Variants in ELF1 observed in about 807,000 individuals in gnomAD.
The protein encoded by ELF1 is E74 like ETS transcription factor 1, also known as ETS-related transcription factor Elf-1.
ELF1 carries 24 observed loss-of-function variants against 59.9 expected under a neutral mutation model. The ratio of observed to expected loss-of-function variants is 0.40; its 90% confidence interval spans 0.29 to 0.56. The LOEUF (loss-of-function observed/expected upper bound fraction) is 0.56. ELF1 is among the 20% of genes least tolerant of loss of function. ELF1 has a pLI of 0.44. For missense variants in ELF1, 627 were observed against 742.2 expected (o/e 0.84, Z 1.80); for synonymous variants, 248 against 266.2 (o/e 0.93, Z 0.67).
upstream of ELF1, among the ~76,000 whole-genome samples, chr13:41,024,031 C>G (rs1439311135): frequency 2.0e-5 from 3 of 152,010 alleles, no homozygotes. Context: ...TAAAAATAAC[C>G]AAGAATTGAT....
Position 40,951,417 on chromosome 13 carries a change from G to C in ELF1, c.273C>G (p.Asp91Glu). The part of the protein sequence containing the change: ...ITLTVEASCH[D>E]GDETIETIEA... ...CAATAGTTTCAATTGTTTCATCCCC[G>C]TCATGACAAGAAGCTTCAACTGCAA... Residue 91 changes from aspartate (D) to glutamate (E), a missense_variant, in exon 4 of 9, where the codon GAC becomes GAG. Around this residue, in one of 3 missense-constraint regions of ELF1, gnomAD observed 232 missense variants for 269.2 expected, o/e 0.86. Coordinates refer to ENST00000239882, the MANE Select transcript of ELF1 (RefSeq NM_172373.4). 3 of 1,613,540 alleles carry C rather than the reference G, an allele frequency of 1.9e-6. No homozygotes were observed. The South Asian group carries it at 3.3e-5, about 18-fold the overall frequency.
At position 40,946,086 on chromosome 13, in the gene ELF1, G is replaced by A. The variant is rs182979935; in HGVS notation, c.530-2161C>T. 5.5e-4 allele frequency among the ~76,000 whole-genome samples: 84 copies of A among 152,212 alleles called. No homozygotes were observed. The East Asian group carries it at 0.011, about 20-fold the overall frequency. On this transcript the variant is annotated intron_variant, in intron 5 of 8. Coordinates refer to ENST00000239882, the MANE Select transcript of ELF1 (RefSeq NM_172373.4). Reference sequence around the variant, plus strand: ...ATTTCCGACCTCAGGATGTCTGCCCGCCTCAGACTCCCAAAGTGCTGGGAT... The same window carrying A: ...ATTTCCGACCTCAGGATGTCTGCCCACCTCAGACTCCCAAAGTGCTGGGAT...
chr13:40,951,992 A>G (rs1172826160), intron 3 of ELF1, among the ~76,000 whole-genome samples: 2 of 152,242 alleles, frequency 1.3e-5, no homozygotes, highest in South Asian at 2.1e-4. Context: ...AGGAAAGACA[A>G]GACAGTTTTT....
At chr13:40,959,262 C>G (rs2031661) in intron 2 of ELF1, among the ~76,000 whole-genome samples, 82,715 of 151,900 alleles carry the variant, frequency 0.54, 25,714 homozygotes, top group Non-Finnish European at 0.69. Context: ...TCTGGGAGGC[C>G]GAGGCAGGCA....
At chr13:40,980,499 G>A (rs1175916347) in intron 2 of ELF1, among the ~76,000 whole-genome samples, 3 of 152,094 alleles carry the variant, frequency 2.0e-5, no homozygotes, top group Non-Finnish European at 4.4e-5. Flanking sequence ...AAGTGTATAA[G>A]TGTTGTTTTG....
chr13:40,990,441 T>C (rs1384986472), intron 1 of ELF1, among the ~76,000 whole-genome samples: 2 of 152,208 alleles, frequency 1.3e-5, no homozygotes, highest in African/African-American at 2.4e-5. Context: ...GTATTTTCTT[T>C]ATAGCATGTA....
chr13:41,031,840 A>G (rs1037009011), intron 1 of ELF1, among the ~76,000 whole-genome samples: 10 of 143,592 alleles, frequency 7.0e-5, no homozygotes, highest in Admixed American at 6.4e-4. Context: ...AAAAAAAAAA[A>G]GTCTCCTCAT....
chr13:41,034,734 C>G lies in ELF1; in HGVS notation c.-229+26104G>C, dbSNP rs78526736. Among the ~76,000 whole-genome samples the G allele has an allele frequency of 2.2e-3, 315 of 142,520 alleles. 11 individuals are homozygous for G. In the East Asian group the frequency reaches 0.064, roughly 29 times the overall value. The allele number at this position is 142,520 out of a possible 152,430, so 93.5% of individuals were successfully genotyped here. On this transcript the variant is annotated intron_variant, in intron 1 of 1. Coordinates refer to the ELF1 transcript ENST00000405737. ...AATTCTATCATTTGATTTCCCAATT[C>G]AAGAATAATTTATTTTTAAAGGAAT... is the stretch of plus-strand genomic sequence containing the variant.
At chr13:40,951,284 G>A in intron 4 of ELF1, 45 bp downstream of exon 4, 1 of 1,428,232 alleles carries the variant, frequency 7.0e-7, no homozygotes, top group South Asian at 1.3e-5. Flanking sequence ...GATGGCAAGA[G>A]TAACTTAACA....
intron 1 of ELF1, among the ~76,000 whole-genome samples, chr13:40,986,061 G>C (rs1873533370): frequency 6.6e-6 from 1 of 152,130 alleles, no homozygotes; most frequent in Non-Finnish European, 1.5e-5. Flanking sequence ...AATTGGGTGA[G>C]GACCATATTC....
intron 2 of ELF1, among the ~76,000 whole-genome samples, chr13:40,972,822 C>G (rs1756174329): frequency 6.6e-6 from 1 of 152,094 alleles, no homozygotes; most frequent in African/African-American, 2.4e-5. Flanking sequence ...TGACAAACAT[C>G]AGTTTTCATG....
intron 2 of ELF1, among the ~76,000 whole-genome samples, chr13:40,980,872 A>C (rs1182407411): frequency 1.3e-5 from 2 of 152,156 alleles, no homozygotes; most frequent in African/African-American, 4.8e-5. Flanking sequence ...ATCAAGACTA[A>C]GCAATTCTCT....
intron 1 of ELF1, among the ~76,000 whole-genome samples, chr13:40,986,938 T>TC (rs61499949): frequency 0.047 from 58 of 1,238 alleles, 1 homozygote; most frequent in East Asian, 0.18. Context: ...ATCATTGCTC[T>TC]TTTTTTTTTT....
intron 1 of ELF1, among the ~76,000 whole-genome samples, chr13:41,007,862 A>C (rs190803898): frequency 1.3e-5 from 2 of 152,348 alleles, no homozygotes; most frequent in East Asian, 1.9e-4. Context: ...TCCTGAGATC[A>C]CAACTCTTTT....
intron 1 of ELF1, among the ~76,000 whole-genome samples, chr13:41,057,864 G>A (rs1404733496): frequency 1.3e-5 from 2 of 152,074 alleles, no homozygotes; most frequent in Non-Finnish European, 2.9e-5. Context: ...TAAGATATAC[G>A]TCTTACTGAC....
intron 1 of ELF1, among the ~76,000 whole-genome samples, chr13:41,028,937 G>C (rs142241615): frequency 2.0e-5 from 3 of 152,128 alleles, no homozygotes; most frequent in African/African-American, 7.2e-5. Flanking sequence ...TAGAGACGGG[G>C]TTTCACCATA....
chr13:40,960,063 C>T (rs961249909), intron 2 of ELF1, among the ~76,000 whole-genome samples: 1 of 152,066 alleles, frequency 6.6e-6, no homozygotes, highest in African/African-American at 2.4e-5. Context: ...CATTCTCTAC[C>T]TATATTGTTT....
intron 1 of ELF1, among the ~76,000 whole-genome samples, chr13:41,013,153 A>G (rs1470403958): frequency 6.6e-6 from 1 of 152,152 alleles, no homozygotes; most frequent in Admixed American, 6.6e-5. Context: ...CCATAGAAAG[A>G]TTCTGAATGG....
At chr13:41,056,044 T>A (rs946353333) in intron 1 of ELF1, among the ~76,000 whole-genome samples, 1 of 152,204 alleles carries the variant, frequency 6.6e-6, no homozygotes, top group African/African-American at 2.4e-5. Flanking sequence ...GTTTATCTAT[T>A]TAAAGTGTAC....
Sources: allele counts gnomAD v4.1 joint callset (sites outside exome capture counted in the v4.1 genomes callset), GRCh38; gene constraint gnomAD v4.1.1; regional missense constraint gnomAD v4.1.1; transcripts MANE v1.5; gene names NCBI Gene and HGNC (gene_info 2026-07-23, HGNC 2026-07-21).